The following ESRRB variants were observed in gnomAD, a reference collection of about 807,000 sequenced individuals.
The protein encoded by ESRRB is estrogen related receptor beta, also known as steroid hormone receptor ERR2.
A neutral mutation model predicts 46.0 loss-of-function variants in ESRRB; 16 were observed. The ratio of observed to expected loss-of-function variants is 0.35; its 90% CI spans 0.24 to 0.53. The LOEUF (loss-of-function observed/expected upper bound fraction) is 0.53. Among genes scored for constraint, ESRRB ranks in the 20% least tolerant of loss-of-function variants. The probability of loss-of-function intolerance (pLI) is 0.93; values close to 1 mark genes in which losing one functional copy is unlikely to be tolerated. For synonymous variants in ESRRB, 246 were observed against 259.6 expected (o/e 0.95, Z 0.50); for missense variants, 488 against 607.4 (o/e 0.80, Z 2.07).
At chr14:76,491,407 C>T in intron 5 of ESRRB, 40 bp from the exon 6 acceptor site, 1 of 1,602,818 alleles carries the variant, frequency 6.2e-7, no homozygotes, top group Non-Finnish European at 8.5e-7. Flanking sequence ...GGTCCGCCCT[C>T]CTGACCTGCT....
At chr14:76,330,169 G>C (rs1883995815) in intron 1 of ESRRB, among the ~76,000 whole-genome samples, 1 of 152,124 alleles carries the variant, frequency 6.6e-6, no homozygotes, top group Non-Finnish European at 1.5e-5. Context: ...GGTTCTGAGG[G>C]AGGCTCTGGG....
At chr14:76,406,234 T>C (rs551874704) in intron 1 of ESRRB, among the ~76,000 whole-genome samples, 1 of 152,156 alleles carries the variant, frequency 6.6e-6, no homozygotes, top group Non-Finnish European at 1.5e-5. Context: ...GGGAGGACAC[T>C]GGAGAAAAAT....
In ESRRB at chr14:76,447,871, C is replaced by T. The variant is rs559059571; in HGVS notation, c.460+8121C>T. Among the ~76,000 whole-genome samples, 9 of 152,300 alleles carry T rather than the reference C, an allele frequency of 5.9e-5. No individual in the cohort carries two copies. The South Asian group carries it at 1.9e-3, about 32-fold the overall frequency. On this transcript the variant is annotated intron_variant, in intron 2 of 6. Coordinates refer to ENST00000644823, the MANE Select transcript of ESRRB (RefSeq NM_001379180.1). The stretch of plus-strand genomic sequence containing the variant: ...GCTTCCTACCTGTTCTCCCTGCTGC[C>T]AGGCTCGGCCGTTCCCAGCCTGAAC...
chr14:76,457,775 C>T (rs1012628235), intron 2 of ESRRB, among the ~76,000 whole-genome samples: 2 of 152,104 alleles, frequency 1.3e-5, no homozygotes, highest in South Asian at 2.1e-4. Context: ...TGGGTTTAAG[C>T]GATTCTCCTG....
intron 1 of ESRRB, among the ~76,000 whole-genome samples, chr14:76,319,902 C>T (rs890575923): frequency 2.6e-5 from 4 of 151,984 alleles, no homozygotes; most frequent in South Asian, 4.2e-4. Flanking sequence ...CCTAGAGACA[C>T]GATGATACCA....
chr14:76,335,885 G>A (rs777730250), intron 1 of ESRRB, among the ~76,000 whole-genome samples: 10 of 152,158 alleles, frequency 6.6e-5, no homozygotes, highest in African/African-American at 1.7e-4. Flanking sequence ...CTTTGCTGGC[G>A]TAGTTAATAT....
chr14:76,396,760 CCCGGAGGCTCAACTT>C (rs1446244695), intron 1 of ESRRB, among the ~76,000 whole-genome samples: 2 of 152,192 alleles, frequency 1.3e-5, no homozygotes, highest in Admixed American at 6.5e-5. Flanking sequence ...AGAGGCTTAG[CCCGGAGGCTCAACTT>C]CCGGAGGCTC....
chr14:76,425,039 G>A (rs1887137882), intron 1 of ESRRB, among the ~76,000 whole-genome samples: 1 of 152,146 alleles, frequency 6.6e-6, no homozygotes, highest in African/African-American at 2.4e-5. Flanking sequence ...GTGAGCCACT[G>A]CGCCTGGCCT....
At chr14:76,495,127 T>A (rs1369506375) in intron 6 of ESRRB, among the ~76,000 whole-genome samples, 1 of 152,032 alleles carries the variant, frequency 6.6e-6, no homozygotes, top group African/African-American at 2.4e-5. Flanking sequence ...TACCCACATA[T>A]GCAGCCACAT....
At chr14:76,398,892 T>A (rs1417350672) in intron 1 of ESRRB, among the ~76,000 whole-genome samples, 1 of 152,172 alleles carries the variant, frequency 6.6e-6, no homozygotes, top group East Asian at 1.9e-4. Context: ...ACCACCACCA[T>A]CCTGCATTTG....
At chr14:76,457,407 G>C (rs887395075) in intron 2 of ESRRB, among the ~76,000 whole-genome samples, 1 of 151,660 alleles carries the variant, frequency 6.6e-6, no homozygotes, top group Admixed American at 6.6e-5. Context: ...GGATGGCTTT[G>C]AATGCGGCCC....
At chr14:76,325,078 C>A (rs918094963) in intron 1 of ESRRB, among the ~76,000 whole-genome samples, 10 of 150,868 alleles carry the variant, frequency 6.6e-5, no homozygotes, top group African/African-American at 2.5e-4. Context: ...GATTCTCCTG[C>A]CTCAGCCTCC....
intron 1 of ESRRB, among the ~76,000 whole-genome samples, chr14:76,379,005 G>A (rs916188371): frequency 6.6e-6 from 1 of 152,178 alleles, no homozygotes; most frequent in Admixed American, 6.5e-5. Flanking sequence ...AGGGCACAGG[G>A]ACTAGAGTTG....
At chr14:76,395,971 G>A (rs1052996999) in intron 1 of ESRRB, among the ~76,000 whole-genome samples, 8 of 151,922 alleles carry the variant, frequency 5.3e-5, no homozygotes, top group Admixed American at 3.9e-4. Context: ...CCAAGAGTTC[G>A]ATACAATTCT....
chr14:76,361,372 C>T (rs1426037633), intron 1 of ESRRB, among the ~76,000 whole-genome samples: 1 of 152,162 alleles, frequency 6.6e-6, no homozygotes, highest in Non-Finnish European at 1.5e-5. Context: ...GTGAGGTGAG[C>T]TCAATTGTGA....
upstream of ESRRB, among the ~76,000 whole-genome samples, chr14:76,373,572 C>A (rs1000637653): frequency 6.6e-6 from 1 of 152,196 alleles, no homozygotes; most frequent in Non-Finnish European, 1.5e-5. Flanking sequence ...GCAAGTTTGT[C>A]TGGAGAATCA....
chr14:76,369,784 C>T (rs747514596), upstream of ESRRB, among the ~76,000 whole-genome samples: 1 of 152,178 alleles, frequency 6.6e-6, no homozygotes, highest in African/African-American at 2.4e-5. Context: ...GGGAGACAGG[C>T]TCTGTCAACA....
rs759185887 is a variant in ESRRB at position 76,498,744 on chromosome 14, T to C, written c.*286T>C. ...TGCGGAGGCCTGGGCCAGGGCTGAC[T>C]CCCTTCAGGAGTGGAGGCCACTGGA... is the stretch of plus-strand genomic sequence containing the variant. On this transcript the variant is annotated 3_prime_UTR_variant, in exon 7 of 7. Transcript: ENST00000644823. 10 of 966,240 alleles carry C rather than the reference T, an allele frequency of 1.0e-5. No homozygotes were observed. The highest frequency in any genetic ancestry group is 1.6e-5 in the African/African-American group (1 of 61,648). 59.9% of individuals were successfully genotyped at this position (966,240 alleles called of 1,614,324 possible). A position where few individuals can be genotyped will look rare whatever the true frequency, so the allele number is the denominator to read the frequency against.
At chr14:76,440,755 C>T (rs536796690) in intron 2 of ESRRB, among the ~76,000 whole-genome samples, 11 of 151,248 alleles carry the variant, frequency 7.3e-5, no homozygotes, top group Non-Finnish European at 1.2e-4. Flanking sequence ...ATGAGAGTCT[C>T]GGGCCAGGCA....
Sources: gnomAD v4.1 joint callset for allele counts (sites outside exome capture counted in the v4.1 genomes callset) on GRCh38, gnomAD v4.1.1 for gene constraint, MANE v1.5 for transcripts, NCBI Gene and HGNC (gene_info 2026-07-23, HGNC 2026-07-21) for gene names.